The following PLXNC1 variants were observed in gnomAD, a reference collection of about 807,000 sequenced individuals.
The protein encoded by PLXNC1 is plexin-C1.
PLXNC1 carries 75 observed loss-of-function variants against 178.2 expected under a neutral mutation model. The ratio of observed to expected loss-of-function variants is 0.42; its 90% CI spans 0.35 to 0.51. PLXNC1 has a LOEUF of 0.51. Ranked by LOEUF, PLXNC1 falls within the 20% of genes least tolerant of loss-of-function variation. The pLI, the probability that PLXNC1 is intolerant of heterozygous loss-of-function variation, is 0.02. For missense variants in PLXNC1, 1,503 were observed against 1,984.4 expected (o/e 0.76, Z 4.61); for synonymous variants, 790 against 779.9 (o/e 1.01, Z -0.22).
At chr12:94,241,503 T>C (rs910974219) in intron 11 of PLXNC1, among the ~76,000 whole-genome samples, 1 of 152,082 alleles carries the variant, frequency 6.6e-6, no homozygotes, top group Non-Finnish European at 1.5e-5. Context: ...TCTTTATCCC[T>C]CTCTGGCCCC....
chr12:94,211,490 A>T (rs1272671934), intron 5 of PLXNC1, among the ~76,000 whole-genome samples: 1 of 152,162 alleles, frequency 6.6e-6, no homozygotes, highest in Non-Finnish European at 1.5e-5. Context: ...CCTGACCCTG[A>T]CCTATGGAGA....
At chr12:94,204,124 T>G (rs1019188636) in intron 4 of PLXNC1, among the ~76,000 whole-genome samples, 1 of 152,226 alleles carries the variant, frequency 6.6e-6, no homozygotes, top group African/African-American at 2.4e-5. Flanking sequence ...TTACCCAGTC[T>G]GTGGTATTCT....
chr12:94,240,465 C>T lies in PLXNC1; in HGVS notation c.2121-20C>T. 6.2e-7 allele frequency: 1 copy of T among 1,600,092 alleles called. No homozygotes were observed. The highest frequency in any genetic ancestry group is 8.5e-7 in the Non-Finnish European group (1 of 1,170,310). On this transcript the variant is annotated intron_variant, in intron 10 of 30. Transcript: ENST00000258526. ...TAAGTGTCTGTGTCATGTGAGAGTT[C>T]TTTTTCTACTCTTTTCTAGGATACA...
At chr12:94,170,369 C>G (rs1303678519) in intron 2 of PLXNC1, among the ~76,000 whole-genome samples, 1 of 152,158 alleles carries the variant, frequency 6.6e-6, no homozygotes, top group Non-Finnish European at 1.5e-5. Flanking sequence ...TTTACTTGCT[C>G]CTGTTTGATC....
At chr12:94,300,031 GA>G (rs1293550510) in intron 27 of PLXNC1, among the ~76,000 whole-genome samples, 2 of 152,200 alleles carry the variant, frequency 1.3e-5, no homozygotes, top group Non-Finnish European at 2.9e-5. Context: ...GGCCAGAGTT[GA>G]AAAGGAGATA....
At chr12:94,235,844 CT>C (rs1964226364) in intron 9 of PLXNC1, among the ~76,000 whole-genome samples, 1 of 152,216 alleles carries the variant, frequency 6.6e-6, no homozygotes, top group South Asian at 2.1e-4. Context: ...CGGGCAGGAT[CT>C]GGCCCACAGA....
At chr12:94,241,370 T>C (rs1483829111) in intron 11 of PLXNC1, among the ~76,000 whole-genome samples, 2 of 152,168 alleles carry the variant, frequency 1.3e-5, no homozygotes, top group African/African-American at 4.8e-5. Context: ...ACATTCCAAT[T>C]CCACTCTTCT....
At chr12:94,188,271 G>T (rs1379090622) in intron 4 of PLXNC1, among the ~76,000 whole-genome samples, 2 of 151,174 alleles carry the variant, frequency 1.3e-5, no homozygotes, top group African/African-American at 4.8e-5. Flanking sequence ...TGAAAAAAAT[G>T]AAGCAGACAC....
At chr12:94,287,714 G>A (rs917618053) in intron 23 of PLXNC1, among the ~76,000 whole-genome samples, 6 of 152,238 alleles carry the variant, frequency 3.9e-5, no homozygotes, top group African/African-American at 1.4e-4. Flanking sequence ...GGTCTGTTAA[G>A]TAAGGTCAGC....
Position 94,169,123 on chromosome 12 carries a change from A to T in PLXNC1, c.1063-30A>T, listed in dbSNP as rs1044860312. 21 of 1,584,536 alleles carry T rather than the reference A, an allele frequency of 1.3e-5. No homozygotes were observed. The East Asian group carries it at 1.4e-4, about 10-fold the overall frequency. On this transcript the variant is annotated intron_variant, in intron 1 of 30. Coordinates refer to ENST00000258526, the MANE Select transcript of PLXNC1 (RefSeq NM_005761.3). The stretch of plus-strand genomic sequence containing the variant: ...ACTATTGTTGTTAAAAATTATTATT[A>T]TTTTTTTGTGCGTTTGTGTGCATGT...
chr12:94,164,984 T>C (rs552436606), intron 1 of PLXNC1, among the ~76,000 whole-genome samples: 1 of 152,264 alleles, frequency 6.6e-6, no homozygotes, highest in South Asian at 2.1e-4. Flanking sequence ...GATTTTGTCA[T>C]GAAAGGCAGA....
rs1964966075 is a variant in PLXNC1, at chr12:94,260,531, C to T, written c.3252-111C>T. ...CATTAAAAAAAAAAAAAAAAAAGCT[C>T]CCAACCCAACAGGCCAGCTCCCTGC... On this transcript the variant is annotated intron_variant, in intron 19 of 30. Transcript: ENST00000258526. This position sits in a 1 kb window ranked among gnomAD's most constrained non-coding sequence, Gnocchi z 4.4. 1 of 634,986 alleles carries T rather than the reference C, an allele frequency of 1.6e-6. No individual in the cohort carries two copies. The highest frequency in any genetic ancestry group is 4.3e-4 in the Middle Eastern group (1 of 2,314). The allele number at this position is 634,986 out of a possible 1,614,324, so 39.3% of individuals were successfully genotyped here. A position where few individuals can be genotyped will look rare whatever the true frequency, so the allele number is the denominator to read the frequency against.
At chr12:94,273,334 C>T (rs894069082) in intron 21 of PLXNC1, among the ~76,000 whole-genome samples, 1 of 152,276 alleles carries the variant, frequency 6.6e-6, no homozygotes, top group East Asian at 1.9e-4. Context: ...CATACTTCCA[C>T]CCAAAGAAGG....
At position 94,149,329 on chromosome 12, in the gene PLXNC1, G is replaced by C. The variant is rs146929512; in HGVS notation, c.358G>C (p.Gly120Arg). ...LPYREGAAGL[G>R]GLLLTGWTFD... Reference sequence around the variant, plus strand: ...CTACCGCGAGGGGGCGGCCGGCCTCGGGGGGCTGCTGCTCACCGGCTGGAC... The same window carrying C: ...CTACCGCGAGGGGGCGGCCGGCCTCCGGGGGCTGCTGCTCACCGGCTGGAC... Residue 120 changes from glycine (G) to arginine (R), a missense_variant, in exon 1 of 31, where the codon GGG becomes CGG. Coordinates refer to ENST00000258526, the MANE Select transcript of PLXNC1 (RefSeq NM_005761.3). 8,890 of 1,441,714 alleles carry C rather than the reference G, an allele frequency of 6.2e-3. 35 individuals carry two copies. The highest frequency in any genetic ancestry group is 7.5e-3 in the Non-Finnish European group (8,291 of 1,106,924). 89.3% of individuals were successfully genotyped at this position (1,441,714 alleles called of 1,614,324 possible).
intron 21 of PLXNC1, among the ~76,000 whole-genome samples, chr12:94,275,119 C>G (rs1485717915): frequency 1.3e-5 from 2 of 152,222 alleles, no homozygotes; most frequent in Non-Finnish European, 2.9e-5. Context: ...GGGCCTGGAA[C>G]TCAGGGCCCT....
intron 22 of PLXNC1, 63 bp downstream of exon 22, chr12:94,279,712 C>T (rs1966285999): frequency 1.4e-6 from 2 of 1,382,692 alleles, no homozygotes; most frequent in African/African-American, 3.2e-5. Context: ...TGCCTGCCCT[C>T]CCTCCCTGTC....
chr12:94,271,451 C>A (rs187014105), intron 21 of PLXNC1, among the ~76,000 whole-genome samples: 1 of 152,334 alleles, frequency 6.6e-6, no homozygotes, highest in East Asian at 1.9e-4. Context: ...CCCAAAACCA[C>A]CAAATCATGT....
chr12:94,293,810 G>C (rs1301113631), intron 23 of PLXNC1, among the ~76,000 whole-genome samples: 4 of 152,072 alleles, frequency 2.6e-5, no homozygotes, highest in Non-Finnish European at 5.9e-5. Flanking sequence ...TTTATACAGA[G>C]GGATCTCCCT....
At chr12:94,218,323 C>G (rs936321085) in intron 5 of PLXNC1, among the ~76,000 whole-genome samples, 3 of 152,116 alleles carry the variant, frequency 2.0e-5, no homozygotes, top group Admixed American at 2.0e-4. Flanking sequence ...GGGGTGACCT[C>G]CGGGGACTAG....
Sources: allele counts gnomAD v4.1 joint callset (sites outside exome capture counted in the v4.1 genomes callset), GRCh38; gene constraint gnomAD v4.1.1; non-coding constraint Gnocchi (gnomAD v3.1); transcripts MANE v1.5; gene names NCBI Gene and HGNC (gene_info 2026-07-23, HGNC 2026-07-21).